CSMD1: variants seen among roughly 807,000 people sequenced by gnomAD.
The protein encoded by CSMD1 is CUB and sushi domain-containing protein 1.
CSMD1 carries 213 observed loss-of-function variants against 417.5 expected under a neutral mutation model. The observed-to-expected ratio is 0.51, with a 90% CI of 0.46 to 0.57. The LOEUF is 0.57. CSMD1 is among the 20% of genes least tolerant of loss of function. CSMD1 has a pLI of 0.00. For synonymous variants in CSMD1, 2,862 were observed against 1,736.8 expected, an observed-to-expected ratio of 1.65 and a Z score of -16.11; for missense variants, 6,923 against 4,529.7, an observed-to-expected ratio of 1.53 and a Z score of -15.17.
chr8:4,332,239 C>A (rs1465270480), intron 3 of CSMD1, among the ~76,000 whole-genome samples: 1 of 152,080 alleles, frequency 6.6e-6, no homozygotes, highest in Non-Finnish European at 1.5e-5. Flanking sequence ...TAACGCTAGC[C>A]ATTGCCACCA....
intron 1 of CSMD1, among the ~76,000 whole-genome samples, chr8:4,928,577 G>A (rs1230471417): frequency 6.6e-6 from 1 of 152,074 alleles, no homozygotes; most frequent in Non-Finnish European, 1.5e-5. Flanking sequence ...AGATGTGCAC[G>A]ATCATTTACG....
intron 1 of CSMD1, among the ~76,000 whole-genome samples, chr8:4,802,253 T>G (rs1418304030): frequency 6.6e-6 from 1 of 152,152 alleles, no homozygotes; most frequent in East Asian, 1.9e-4. Context: ...CCTTTTCCCT[T>G]TTCCTCTGCC....
At chr8:3,735,612 C>G (rs542704074) in intron 6 of CSMD1, among the ~76,000 whole-genome samples, 134 of 152,316 alleles carry the variant, frequency 8.8e-4, no homozygotes, top group Middle Eastern at 3.4e-3. Flanking sequence ...ATTTAACTCT[C>G]TCCACAGGTA....
At chr8:4,507,178 T>C (rs1802573429) in intron 2 of CSMD1, among the ~76,000 whole-genome samples, 1 of 152,208 alleles carries the variant, frequency 6.6e-6, no homozygotes, top group Admixed American at 6.5e-5. Context: ...TGAAAAAAAG[T>C]ATTGCCATCT....
chr8:4,451,057 T>C (rs747156483), intron 2 of CSMD1, among the ~76,000 whole-genome samples: 2 of 152,112 alleles, frequency 1.3e-5, no homozygotes, highest in Non-Finnish European at 2.9e-5. Flanking sequence ...TCTGCACTGC[T>C]CATTCAATAA....
chr8:3,263,713 C>T (rs762484027), intron 26 of CSMD1, among the ~76,000 whole-genome samples: 21 of 152,186 alleles, frequency 1.4e-4, no homozygotes, highest in Admixed American at 2.0e-4. Context: ...GTATTTGAAT[C>T]ACTTATCCCA....
chr8:3,068,374 C>T (rs572295993), intron 49 of CSMD1, among the ~76,000 whole-genome samples: 39 of 152,128 alleles, frequency 2.6e-4, no homozygotes, highest in Non-Finnish European at 4.6e-4. Flanking sequence ...CTCTCCAAGA[C>T]TCAGGACTTC....
chr8:4,885,806 G>A (rs1342254519), intron 1 of CSMD1, among the ~76,000 whole-genome samples: 1 of 151,808 alleles, frequency 6.6e-6, no homozygotes, highest in Non-Finnish European at 1.5e-5. Flanking sequence ...TGAGTTCTGA[G>A]GAAATCCAAT....
chr8:3,721,814 T>C (rs1334271380), intron 6 of CSMD1, among the ~76,000 whole-genome samples: 1 of 152,172 alleles, frequency 6.6e-6, no homozygotes, highest in East Asian at 1.9e-4. Context: ...AAGCCATTTT[T>C]TGAGAAATTA....
intron 1 of CSMD1, among the ~76,000 whole-genome samples, chr8:4,672,134 G>C (rs1363194900): frequency 6.6e-6 from 1 of 152,164 alleles, no homozygotes; most frequent in Non-Finnish European, 1.5e-5. Context: ...CCCATTGCAT[G>C]AGGCTCTCAC....
intron 5 of CSMD1, among the ~76,000 whole-genome samples, chr8:3,947,913 C>G (rs1407237403): frequency 6.6e-6 from 1 of 152,122 alleles, no homozygotes; most frequent in South Asian, 2.1e-4. Context: ...CTGTTAAAAT[C>G]TCCAATGGTA....
intron 3 of CSMD1, among the ~76,000 whole-genome samples, chr8:4,344,066 C>T (rs979941249): frequency 2.0e-5 from 3 of 152,146 alleles, no homozygotes; most frequent in African/African-American, 7.2e-5. Flanking sequence ...TGTGCGCACA[C>T]ACATACTCTG....
intron 7 of CSMD1, among the ~76,000 whole-genome samples, chr8:3,626,257 G>T (rs1345945986): frequency 1.3e-5 from 2 of 152,198 alleles, no homozygotes; most frequent in African/African-American, 4.8e-5. Context: ...TGTCATTTCT[G>T]CTCTAGTCTC....
At chr8:3,294,951 T>G (rs1023062535) in intron 25 of CSMD1, among the ~76,000 whole-genome samples, 3 of 152,136 alleles carry the variant, frequency 2.0e-5, no homozygotes, top group African/African-American at 7.2e-5. Flanking sequence ...TGTTCCTATT[T>G]GGCCATCTTG....
At chr8:3,517,484 G>C (rs1342415966) in intron 10 of CSMD1, among the ~76,000 whole-genome samples, 2 of 152,274 alleles carry the variant, frequency 1.3e-5, no homozygotes, top group Middle Eastern at 3.4e-3. Context: ...GGTAAAGATA[G>C]TTTGATAAAA....
chr8:4,682,328 G>C (rs1806104263), intron 1 of CSMD1, among the ~76,000 whole-genome samples: 1 of 152,162 alleles, frequency 6.6e-6, no homozygotes, highest in Admixed American at 6.5e-5. Context: ...ACTGTGCTTA[G>C]ACTGAAAAAT....
At chr8:4,282,137 C>A (rs1484264405) in intron 3 of CSMD1, among the ~76,000 whole-genome samples, 1 of 152,104 alleles carries the variant, frequency 6.6e-6, no homozygotes, top group African/African-American at 2.4e-5. Context: ...TAAAGTTATA[C>A]AATATTGCTC....
At chr8:4,786,163 C>A (rs547991262) in intron 1 of CSMD1, among the ~76,000 whole-genome samples, 1 of 152,308 alleles carries the variant, frequency 6.6e-6, no homozygotes, top group Non-Finnish European at 1.5e-5. Flanking sequence ...CTTATGAGCC[C>A]TGACAACCCA....
chr8:4,143,600 G>C (rs1356863023), intron 3 of CSMD1, among the ~76,000 whole-genome samples: 1 of 151,040 alleles, frequency 6.6e-6, no homozygotes, highest in Non-Finnish European at 1.5e-5. Context: ...AACTAGTTGT[G>C]ATGCCCATGG....
Sources: gnomAD v4.1 joint callset for allele counts (sites outside exome capture counted in the v4.1 genomes callset) on GRCh38, gnomAD v4.1.1 for gene constraint, MANE v1.5 for transcripts, NCBI Gene and HGNC (gene_info 2026-07-23, HGNC 2026-07-21) for gene names.